The following ANKRD6 variants were observed in gnomAD, a reference collection of about 807,000 sequenced individuals.
ANKRD6 encodes ankyrin repeat domain-containing protein 6.
Under a neutral mutation model 82.3 loss-of-function variants are expected in ANKRD6, and 56 were observed. That is an observed-to-expected ratio of 0.68 (90% CI 0.55 to 0.85). The LOEUF (loss-of-function observed/expected upper bound fraction) is 0.85, where lower values mean the gene tolerates loss of function less well. ANKRD6 is among the 40% of genes least tolerant of loss of function. The pLI is 0.00. For synonymous variants in ANKRD6, 347 were observed against 352.1 expected (o/e 0.99, Z 0.16); for missense variants, 852 against 907.6 (o/e 0.94, Z 0.79).
At chr6:89,623,753 C>A in intron 11 of ANKRD6, 119 bp from the exon 12 acceptor site, 1 of 1,271,980 alleles carries the variant, frequency 7.9e-7, no homozygotes, top group Non-Finnish European at 1.1e-6. Context: ...GAGTAGGACA[C>A]CATGAGGTGA....
intron 3 of ANKRD6, among the ~76,000 whole-genome samples, chr6:89,598,605 A>G (rs1368761254): frequency 6.6e-6 from 1 of 152,188 alleles, no homozygotes; most frequent in Non-Finnish European, 1.5e-5. Flanking sequence ...AAATAACAGT[A>G]TTTCAAAACA....
At chr6:89,556,321 A>G (rs1583261240) in intron 1 of ANKRD6, among the ~76,000 whole-genome samples, 1 of 152,352 alleles carries the variant, frequency 6.6e-6, no homozygotes, top group African/African-American at 2.4e-5. Flanking sequence ...TTTAACCACC[A>G]TGGGCTCAAT....
intron 1 of ANKRD6, among the ~76,000 whole-genome samples, chr6:89,443,615 C>T (rs1253181886): frequency 6.6e-6 from 1 of 151,960 alleles, no homozygotes; most frequent in African/African-American, 2.4e-5. Context: ...GTAGCTGGGA[C>T]TACAGGCGCA....
chr6:89,571,727 C>T (rs1292525999), intron 2 of ANKRD6, among the ~76,000 whole-genome samples: 1 of 152,164 alleles, frequency 6.6e-6, no homozygotes, highest in Non-Finnish European at 1.5e-5. Flanking sequence ...CATCCGCCAC[C>T]AGAGTGATAC....
intron 7 of ANKRD6, 83 bp downstream of exon 7, chr6:89,613,973 G>A: frequency 7.1e-7 from 1 of 1,407,624 alleles, no homozygotes; most frequent in Non-Finnish European, 9.7e-7. Flanking sequence ...AACGGGAGCA[G>A]AGGCTGCTGG....
chr6:89,487,315 C>T (rs764527781), intron 1 of ANKRD6, among the ~76,000 whole-genome samples: 1 of 152,146 alleles, frequency 6.6e-6, no homozygotes, highest in Non-Finnish European at 1.5e-5. Context: ...ACCATACATC[C>T]CACTAACAAA....
chr6:89,598,501 G>T (rs1796378076), intron 3 of ANKRD6: 1 of 882,160 alleles, frequency 1.1e-6, no homozygotes, highest in African/African-American at 1.8e-5. Context: ...GTGCCACATG[G>T]GGGTGTTTCC....
chr6:89,572,429 G>A (rs538258310), intron 2 of ANKRD6, among the ~76,000 whole-genome samples: 1 of 152,304 alleles, frequency 6.6e-6, no homozygotes, highest in South Asian at 2.1e-4. Context: ...CAATCTTACG[G>A]ATTTTGACCA....
intron 1 of ANKRD6, among the ~76,000 whole-genome samples, chr6:89,501,740 A>G (rs1779288207): frequency 6.6e-6 from 1 of 152,156 alleles, no homozygotes; most frequent in Non-Finnish European, 1.5e-5. Context: ...ACCAAAGTGA[A>G]TGGGTGTTTT....
At chr6:89,610,905 T>C (rs1244728112) in intron 5 of ANKRD6, among the ~76,000 whole-genome samples, 1 of 151,570 alleles carries the variant, frequency 6.6e-6, no homozygotes, top group Non-Finnish European at 1.5e-5. Context: ...AGTACTAAAA[T>C]AGGGATGCTG....
intron 1 of ANKRD6, chr6:89,508,932 C>T (rs905879456): frequency 6.6e-6 from 1 of 152,400 alleles, no homozygotes; most frequent in Non-Finnish European, 1.5e-5. Context: ...GTGCAGTACC[C>T]ACCTGGGCCA....
intron 1 of ANKRD6, among the ~76,000 whole-genome samples, chr6:89,532,877 A>AT (rs61548190): frequency 0.073 from 9,000 of 123,196 alleles, 326 homozygotes; most frequent in South Asian, 0.16. Context: ...GATTTTTTGT[A>AT]TTTTTTTTTT....
At chr6:89,534,464 T>C (rs1330472008) in intron 1 of ANKRD6, among the ~76,000 whole-genome samples, 2 of 152,088 alleles carry the variant, frequency 1.3e-5, no homozygotes, top group East Asian at 1.9e-4. Flanking sequence ...CCCTCCTAAG[T>C]GTGGGAAGGA....
chr6:89,619,376 A>G (rs998788380), intron 9 of ANKRD6, among the ~76,000 whole-genome samples: 3 of 152,168 alleles, frequency 2.0e-5, no homozygotes, highest in African/African-American at 7.2e-5. Flanking sequence ...AATTTAATGG[A>G]CAGCCAGCCC....
At chr6:89,578,419 T>G (rs903071096) in intron 2 of ANKRD6, among the ~76,000 whole-genome samples, 1 of 151,148 alleles carries the variant, frequency 6.6e-6, no homozygotes, top group African/African-American at 2.4e-5. Flanking sequence ...CCTCAGCCTC[T>G]TGAGTAGCTG....
intron 1 of ANKRD6, among the ~76,000 whole-genome samples, chr6:89,550,818 T>G (rs1583229947): frequency 6.6e-6 from 1 of 152,016 alleles, no homozygotes. Flanking sequence ...TAGCAGGGCA[T>G]GGTGGCGGGC....
At chr6:89,537,896 A>AAAG (rs1784033590) in intron 1 of ANKRD6, among the ~76,000 whole-genome samples, 2 of 133,142 alleles carry the variant, frequency 1.5e-5, no homozygotes, top group African/African-American at 2.8e-5. Flanking sequence ...AAAAAAAAAA[A>AAAG]AAAAGAAAAG....
intron 2 of ANKRD6, among the ~76,000 whole-genome samples, chr6:89,570,087 G>GTGTGTGTGTA (rs1379816804): frequency 6.6e-5 from 10 of 151,550 alleles, no homozygotes; most frequent in African/African-American, 2.2e-4. Flanking sequence ...GTGTGTGTGT[G>GTGTGTGTGTA]TATAATTTAT....
chr6:89,477,816 T>C (rs114852766), intron 1 of ANKRD6, among the ~76,000 whole-genome samples: 8,388 of 151,172 alleles, frequency 0.055, 258 homozygotes, highest in South Asian at 0.13. Context: ...AGTGGCCAGT[T>C]GAAAAAAATT....
Sources: allele counts gnomAD v4.1 joint callset (sites outside exome capture counted in the v4.1 genomes callset), GRCh38; gene constraint gnomAD v4.1.1; transcripts MANE v1.5; gene names NCBI Gene and HGNC (gene_info 2026-07-23, HGNC 2026-07-21).